ANKRD42: variants seen among roughly 807,000 people sequenced by gnomAD.
ANKRD42 encodes the protein ankyrin repeat domain-containing protein 42.
Under a neutral mutation model 51.5 loss-of-function variants are expected in ANKRD42, and 43 were observed. The observed-to-expected ratio is 0.83, with a 90% CI of 0.65 to 1.08. ANKRD42 has a LOEUF of 1.08. Among genes scored for constraint, ANKRD42 ranks in the 50% least tolerant of loss-of-function variants. ANKRD42 has a pLI of 0.00. For synonymous variants in ANKRD42, 203 were observed against 213.0 expected (o/e 0.95, Z 0.41); for missense variants, 608 against 629.3 (o/e 0.97, Z 0.36).
In ANKRD42 at chr11:83,211,350, A is replaced by G. The variant is rs781389549; in HGVS notation, c.506A>G (p.His169Arg). ...EWRPVHYAAF[H>R]GRLGCLQLLV... ...AGACCTGTGCATTATGCAGCTTTTC[A>G]TGGGCGGCTTGGCTGCTTGCAACTT... Residue 169 changes from histidine (H) to arginine (R), a missense_variant, in exon 5 of 11, where the codon CAT (histidine) becomes CGT (arginine). His to Arg is a conservative substitution (Grantham distance 29). Coordinates refer to ENST00000533342, the MANE Select transcript of ANKRD42 (RefSeq NM_001300975.2). 6 of 1,614,076 alleles carry G rather than the reference A, an allele frequency of 3.7e-6. No homozygotes were observed. The South Asian group carries it at 5.5e-5, about 15-fold the overall frequency.
chr11:83,214,720 T>C (rs888482594), intron 5 of ANKRD42: 4 of 217,248 alleles, frequency 1.8e-5, no homozygotes, highest in African/African-American at 9.4e-5. Flanking sequence ...ATTTCTTTTA[T>C]ACTAGGAACA....
chr11:83,197,779 C>T (rs181440574), intron 1 of ANKRD42, among the ~76,000 whole-genome samples: 3 of 152,118 alleles, frequency 2.0e-5, no homozygotes, highest in East Asian at 1.9e-4. Context: ...AATTAAAAAT[C>T]GTGGCCTGCC....
intron 11 of ANKRD42, among the ~76,000 whole-genome samples, chr11:83,254,410 C>T (rs1863727790): frequency 6.6e-6 from 1 of 151,240 alleles, no homozygotes; most frequent in African/African-American, 2.4e-5. Context: ...TCCTGCCCCA[C>T]CTGAGTGTTT....
chr11:83,194,194 G>A lies in ANKRD42; in HGVS notation c.-477G>A, dbSNP rs1565170817. On this transcript the variant is annotated 5_prime_UTR_variant, in exon 1 of 11. Transcript: ENST00000533342. ...TGAAGTTGGAGGCCACCAAACTACC[G>A]ACTCCAGGGGAACAGCCAGAGAAGA... 2 of 458,762 alleles carry A rather than the reference G, an allele frequency of 4.4e-6. No homozygotes were observed. Among genetic ancestry groups the A allele is most frequent in the Non-Finnish European group, 8.8e-6 (2 of 228,472 alleles). The allele number at this position is 458,762 out of a possible 1,614,324, so 28.4% of individuals were successfully genotyped here.
chr11:83,220,214 C>G (rs1052147495), intron 5 of ANKRD42, among the ~76,000 whole-genome samples: 3 of 152,276 alleles, frequency 2.0e-5, no homozygotes, highest in African/African-American at 7.2e-5. Context: ...TGGTTCCAGG[C>G]CAACTAAAGC....
At position 83,198,661 on chromosome 11, in the gene ANKRD42, C is replaced by A; in HGVS notation, c.222+19C>A. The A allele has an allele frequency of 6.5e-7, 1 of 1,550,278 alleles. No individual in the cohort carries two copies. Among genetic ancestry groups the A allele is most frequent in the Admixed American group, 2.0e-5 (1 of 50,426 alleles). ...TTTGGAGGTAAGAAACTATACATAT[C>A]ACTAAACTGAGGTAAGTTTTAGCTA... On this transcript the variant is annotated intron_variant, in intron 2 of 10. Transcript: ENST00000533342.
downstream of ANKRD42, among the ~76,000 whole-genome samples, chr11:83,256,625 CTT>C (rs1189678984): frequency 2.6e-5 from 4 of 152,318 alleles, no homozygotes; most frequent in East Asian, 1.9e-4. Context: ...CTGTGTAGCT[CTT>C]GTCTCCCCCT....
intron 5 of ANKRD42, among the ~76,000 whole-genome samples, chr11:83,222,767 TG>T (rs1862753720): frequency 6.6e-6 from 1 of 152,120 alleles, no homozygotes; most frequent in Non-Finnish European, 1.5e-5. Flanking sequence ...TTAGAGGGTT[TG>T]TTTGTTTTTT....
At position 83,225,086 on chromosome 11, in the gene ANKRD42, T is replaced by C. The variant is rs750580163; in HGVS notation, c.787+31T>C. On this transcript the variant is annotated intron_variant, in intron 6 of 10. Coordinates refer to ENST00000533342, the MANE Select transcript of ANKRD42 (RefSeq NM_001300975.2). The stretch of plus-strand genomic sequence containing the variant: ...TAATTAAGTTATATGTTCTAGCATA[T>C]AATGTGATGATGATGATGATGATAA... 3 of 1,561,572 alleles carry C rather than the reference T, an allele frequency of 1.9e-6. No individual in the cohort carries two copies. The South Asian group carries it at 3.5e-5, about 18-fold the overall frequency.
intron 3 of ANKRD42, chr11:83,209,740 A>C: frequency 1.5e-6 from 1 of 665,218 alleles, no homozygotes; most frequent in Non-Finnish European, 2.8e-6. Context: ...TCTCACTTTC[A>C]TATTTAGAAG....
chr11:83,223,648 GT>G (rs1428063995), intron 5 of ANKRD42, among the ~76,000 whole-genome samples: 1 of 152,174 alleles, frequency 6.6e-6, no homozygotes, highest in Non-Finnish European at 1.5e-5. Context: ...ACTTTTAAGT[GT>G]AAATGATGAG....
At chr11:83,212,226 C>T (rs1025527361) in intron 5 of ANKRD42, among the ~76,000 whole-genome samples, 12 of 152,004 alleles carry the variant, frequency 7.9e-5, no homozygotes, top group South Asian at 2.1e-4. Flanking sequence ...GGGTTTCAGG[C>T]ACCTGCCACC....
intron 5 of ANKRD42, chr11:83,213,475 C>T (rs980548952): frequency 7.3e-7 from 1 of 1,373,674 alleles, no homozygotes; most frequent in Non-Finnish European, 9.4e-7. Context: ...AAAACAACAA[C>T]AAAAAATTAT....
chr11:83,211,321 A>G lies in ANKRD42; in HGVS notation c.477A>G (p.Glu159=). ...ATCCCAGTGTGACTGATAAGAGAGA[A>G]TGGAGACCTGTGCATTATGCAGCTT... ...GVDPSVTDKR[E]WRPVHYAAFH... Residue 159 remains glutamate (E), a synonymous_variant, in exon 5 of 11, where the codon GAA becomes GAG. Coordinates refer to ENST00000533342, the MANE Select transcript of ANKRD42 (RefSeq NM_001300975.2). The G allele has an allele frequency of 6.2e-7, 1 of 1,614,218 alleles. No homozygotes were observed. Among genetic ancestry groups the G allele is most frequent in the East Asian group, 2.2e-5 (1 of 44,882 alleles).
At chr11:83,202,265 C>T (rs1348707271) in intron 2 of ANKRD42, among the ~76,000 whole-genome samples, 1 of 151,898 alleles carries the variant, frequency 6.6e-6, no homozygotes, top group African/African-American at 2.4e-5. Flanking sequence ...TCCCCTGTTG[C>T]AAAAGTCAGA....
intron 2 of ANKRD42, among the ~76,000 whole-genome samples, chr11:83,203,971 C>G (rs1465253612): frequency 1.3e-5 from 2 of 152,062 alleles, no homozygotes; most frequent in South Asian, 2.1e-4. Flanking sequence ...AAGACAGAGT[C>G]TGGTTCTGTT....
chr11:83,220,235 G>A (rs574149129), intron 5 of ANKRD42, among the ~76,000 whole-genome samples: 64 of 152,310 alleles, frequency 4.2e-4, no homozygotes, highest in African/African-American at 1.1e-3. Context: ...TCCCAACCCC[G>A]AAGGGTCGGG....
At chr11:83,223,249 C>G (rs1862769472) in intron 5 of ANKRD42, among the ~76,000 whole-genome samples, 1 of 151,996 alleles carries the variant, frequency 6.6e-6, no homozygotes, top group Admixed American at 6.6e-5. Context: ...GACCCTGTCT[C>G]AAAACAAAAA....
At chr11:83,202,347 A>G (rs901049016) in intron 2 of ANKRD42, among the ~76,000 whole-genome samples, 12 of 152,096 alleles carry the variant, frequency 7.9e-5, no homozygotes, top group Admixed American at 5.2e-4. Context: ...CCATTGGTCT[A>G]TTTATCTGTT....
Sources: gnomAD v4.1 joint callset for allele counts (sites outside exome capture counted in the v4.1 genomes callset) on GRCh38, gnomAD v4.1.1 for gene constraint, MANE v1.5 for transcripts, NCBI Gene and HGNC (gene_info 2026-07-23, HGNC 2026-07-21) for gene names.